FRAS1: variants seen among roughly 807,000 people sequenced by gnomAD.
The protein encoded by FRAS1 is extracellular matrix organizing protein FRAS1.
Under a neutral mutation model 435.2 loss-of-function variants are expected in FRAS1, and 290 were observed. The observed-to-expected ratio is 0.67, with a 90% CI of 0.61 to 0.73. The LOEUF is 0.73. Ranked by LOEUF, FRAS1 falls within the 30% of genes least tolerant of loss-of-function variation. FRAS1 has a pLI of 0.00. For synonymous variants in FRAS1, 1,800 were observed against 1,851.0 expected, an observed-to-expected ratio of 0.97 and a Z score of 0.71; for missense variants, 4,860 against 5,001.5, an observed-to-expected ratio of 0.97 and a Z score of 0.85.
At chr4:78,506,997 T>C (rs1198747553) in intron 61 of FRAS1, among the ~76,000 whole-genome samples, 4 of 152,190 alleles carry the variant, frequency 2.6e-5, no homozygotes, top group Non-Finnish European at 5.9e-5. Flanking sequence ...GAGCCACTAC[T>C]TCTCAGGAGA....
intron 2 of FRAS1, among the ~76,000 whole-genome samples, chr4:78,183,772 G>GTGTGTGTA (rs1309631789): frequency 1.3e-5 from 2 of 148,814 alleles, no homozygotes; most frequent in Non-Finnish European, 3.0e-5. Flanking sequence ...GTGTGTGTGT[G>GTGTGTGTA]TGTTTAAATA....
intron 1 of FRAS1, 73 bp from the exon 2 acceptor site, chr4:78,065,912 G>A: frequency 8.8e-7 from 1 of 1,136,442 alleles, no homozygotes; most frequent in Non-Finnish European, 1.3e-6. Context: ...AGTTTTAGCA[G>A]CAAGCTTGCT....
At chr4:78,536,932 C>T in intron 71 of FRAS1, 63 bp from the exon 72 acceptor site, 2 of 1,395,216 alleles carry the variant, frequency 1.4e-6, no homozygotes, top group African/African-American at 1.4e-5. Flanking sequence ...CCTTTCAACC[C>T]TTGACATTTG....
In FRAS1 at chr4:78,267,328, T is replaced by C; in HGVS notation, c.877T>C (p.Tyr293His). 2 of 1,613,872 alleles carry C rather than the reference T, an allele frequency of 1.2e-6. No individual in the cohort carries two copies. The highest frequency in any genetic ancestry group is 1.7e-6 in the Non-Finnish European group (2 of 1,179,842). ...CTGCTCCTATGATGGAGTTGTGCGG[T>C]ACCAGGACGAAATGTGGAAGGGCTC... ...GSCSYDGVVR[Y>H]QDEMWKGSAC... The change falls in exon 9 of 74, where the codon TAC becomes CAC. Residue 293 changes from tyrosine (Y) to histidine (H), a missense_variant. Coordinates refer to ENST00000512123, the MANE Select transcript of FRAS1 (RefSeq NM_025074.7).
chr4:78,128,389 T>C (rs1560539131), intron 2 of FRAS1, among the ~76,000 whole-genome samples: 1 of 152,232 alleles, frequency 6.6e-6, no homozygotes. Flanking sequence ...CATGTTCCTA[T>C]TTCTCCACAT....
In FRAS1 at chr4:78,522,753, G is replaced by C. The variant is rs748159035; in HGVS notation, c.10753G>C (p.Ala3585Pro). The change falls in exon 69 of 74, where the codon GCT becomes CCT. Residue 3585 changes from alanine (A) to proline (P), a missense_variant. Coordinates refer to ENST00000512123, the MANE Select transcript of FRAS1 (RefSeq NM_025074.7). Reference sequence around the variant, plus strand: ...ATTTGACTTGCAGCTATTATGGAGCGCTCAGACTTTTGATTCTCCACATCA... The same window carrying C: ...ATTTGACTTGCAGCTATTATGGAGCCCTCAGACTTTTGATTCTCCACATCA... ...IEFDLQLLWSAQTFDSPHQLW... is the reference protein window; with the variant it reads ...IEFDLQLLWSPQTFDSPHQLW... The C allele has an allele frequency of 6.2e-7, 1 of 1,612,122 alleles. No individual in the cohort carries two copies. The highest frequency in any genetic ancestry group is 1.1e-5 in the South Asian group (1 of 90,662).
intron 22 of FRAS1, among the ~76,000 whole-genome samples, chr4:78,367,297 T>C (rs1006367445): frequency 4.0e-5 from 6 of 151,744 alleles, no homozygotes; most frequent in Non-Finnish European, 5.9e-5. Context: ...CCCAGCTATA[T>C]GGGAATCTGA....
intron 20 of FRAS1, among the ~76,000 whole-genome samples, chr4:78,356,531 C>A (rs115603133): frequency 5.0e-4 from 76 of 152,280 alleles, no homozygotes; most frequent in African/African-American, 1.8e-3. Context: ...CATTCCTGGT[C>A]ACAATAGTTT....
intron 2 of FRAS1, among the ~76,000 whole-genome samples, chr4:78,177,915 C>T (rs1319739081): frequency 6.6e-6 from 1 of 152,136 alleles, no homozygotes; most frequent in East Asian, 1.9e-4. Flanking sequence ...GTATTAGTTT[C>T]CTGGGCTGCC....
intron 2 of FRAS1, among the ~76,000 whole-genome samples, chr4:78,091,655 A>C (rs1368141029): frequency 7.1e-6 from 1 of 140,850 alleles, no homozygotes. Context: ...GAATCTATAT[A>C]TATATTTTGG....
At chr4:78,279,991 C>T (rs1727252283) in intron 10 of FRAS1, among the ~76,000 whole-genome samples, 1 of 152,182 alleles carries the variant, frequency 6.6e-6, no homozygotes, top group Non-Finnish European at 1.5e-5. Context: ...CCACTTATCA[C>T]ACACTGTGGC....
Position 78,441,216 on chromosome 4 carries a change from G to C in FRAS1, c.5584G>C (p.Asp1862His), listed in dbSNP as rs770380002. The change falls in exon 41 of 74, where the codon GAT (aspartate) becomes CAT (histidine). Residue 1862 changes from aspartate (D) to histidine (H), a missense_variant. Transcript: ENST00000512123. ...LSFHHFFATD[D>H]DDNLQRDAII... ...ATTTCACCATTTTTTTGCTACTGAT[G>C]ATGATGACAACCTCCAGAGAGATGC... The C allele has an allele frequency of 1.9e-6, 3 of 1,613,742 alleles. No homozygotes were observed. In the Admixed American group the frequency reaches 5.0e-5, roughly 27 times the overall value.
At chr4:78,389,928 C>T (rs1732378802) in intron 29 of FRAS1, among the ~76,000 whole-genome samples, 1 of 152,260 alleles carries the variant, frequency 6.6e-6, no homozygotes, top group South Asian at 2.1e-4. Flanking sequence ...TAGGTATTTT[C>T]TATGTCTGTC....
intron 2 of FRAS1, among the ~76,000 whole-genome samples, chr4:78,214,543 G>T (rs185928421): frequency 6.6e-6 from 1 of 152,168 alleles, no homozygotes. Context: ...ATCCTTCATT[G>T]TATCTGAACA....
chr4:78,262,639 G>T (rs76591703), intron 6 of FRAS1, among the ~76,000 whole-genome samples: 1,848 of 152,238 alleles, frequency 0.012, 32 homozygotes, highest in Middle Eastern at 0.014. Flanking sequence ...CAAGAGTATT[G>T]TGCTGGGGAG....
intron 70 of FRAS1, among the ~76,000 whole-genome samples, chr4:78,528,337 C>T (rs1721606485): frequency 6.6e-6 from 1 of 152,144 alleles, no homozygotes; most frequent in African/African-American, 2.4e-5. Flanking sequence ...TGAAACATCA[C>T]CACAGTCAAG....
intron 59 of FRAS1, among the ~76,000 whole-genome samples, chr4:78,495,167 C>A (rs956735903): frequency 1.2e-4 from 18 of 151,820 alleles, no homozygotes; most frequent in African/African-American, 3.6e-4. Flanking sequence ...ATTGTGTTAT[C>A]TTTTACTCAC....
chr4:78,500,378 A>G (rs1336867199), intron 61 of FRAS1, among the ~76,000 whole-genome samples: 1 of 152,184 alleles, frequency 6.6e-6, no homozygotes, highest in Non-Finnish European at 1.5e-5. Flanking sequence ...AACACAATTT[A>G]TATGGAGATG....
chr4:78,511,009 A>C (rs1721017316), intron 63 of FRAS1, among the ~76,000 whole-genome samples: 1 of 152,198 alleles, frequency 6.6e-6, no homozygotes. Context: ...TATTAATGGA[A>C]ATCATTCATC....
Sources: allele counts gnomAD v4.1 joint callset (sites outside exome capture counted in the v4.1 genomes callset), GRCh38; gene constraint gnomAD v4.1.1; transcripts MANE v1.5; gene names NCBI Gene and HGNC (gene_info 2026-07-23, HGNC 2026-07-21).